Variants in DOK1 observed in about 807,000 individuals in gnomAD.
The protein encoded by DOK1 is docking protein 1, also known as Downstream of tyrosine kinase 1.
In DOK1, 12 loss-of-function variants were observed where a neutral mutation model predicts 24.0. The ratio of observed to expected loss-of-function variants is 0.50; its 90% confidence interval spans 0.32 to 0.81. The LOEUF (loss-of-function observed/expected upper bound fraction) is 0.81. DOK1 is among the 30% of genes least tolerant of loss of function. DOK1 has a pLI of 0.03. For missense variants in DOK1, 591 were observed against 620.7 expected (o/e 0.95, Z 0.51); for synonymous variants, 250 against 260.9 (o/e 0.96, Z 0.40).
At position 74,556,802 on chromosome 2, in the gene DOK1, T is replaced by C; in HGVS notation, c.1134T>C (p.Asp378=). 2 of 1,614,102 alleles carry C rather than the reference T, an allele frequency of 1.2e-6. No homozygotes were observed. Among genetic ancestry groups the C allele is most frequent in the Non-Finnish European group, 1.7e-6 (2 of 1,180,014 alleles). The change falls in exon 5 of 5, where the codon GAT becomes GAC. Residue 378 remains aspartate (D), a synonymous_variant. Transcript: ENST00000233668. The surrounding 1 kb of genome is among the most constrained non-coding windows in gnomAD (Gnocchi z 4.1). ...CAGTCCCTCCCCAGGGCCTTTATGA[T>C]CTGCCTCGGGAGCCCAAGGATGCAT... The part of the protein sequence containing the change: ...LAPVPPQGLY[D]LPREPKDAWW...
At chr2:74,552,563 C>T, upstream of DOK1, 1 of 1,610,562 alleles carries the variant, frequency 6.2e-7, no homozygotes, top group Non-Finnish European at 8.5e-7. Flanking sequence ...ACGGAGACCC[C>T]AAGCACGAAC....
Position 74,556,902 on chromosome 2 carries a change from C to A in DOK1, c.1234C>A (p.Pro412Thr). ...CCCTGCCACTGATGACTACGCTGTG[C>A]CACCCCCTCGGAGCACAAAGCCCCT... The part of the protein sequence containing the change: ...YNPATDDYAV[P>T]PPRSTKPLLA... Residue 412 changes from proline (P) to threonine (T), a missense_variant, in exon 5 of 5, where the codon CCA becomes ACA. Coordinates refer to ENST00000233668, the MANE Select transcript of DOK1 (RefSeq NM_001381.5). This position sits in a 1 kb window ranked among gnomAD's most constrained non-coding sequence, Gnocchi z 4.1. 1 of 1,614,184 alleles carries A rather than the reference C, an allele frequency of 6.2e-7. No individual in the cohort carries two copies. Among genetic ancestry groups the A allele is most frequent in the Non-Finnish European group, 8.5e-7 (1 of 1,180,032 alleles).
rs554965520 is a variant in DOK1, at chr2:74,556,706, G to C, written c.1038G>C (p.Gln346His). The C allele has an allele frequency of 6.2e-7, 1 of 1,614,244 alleles. No homozygotes were observed. Among genetic ancestry groups the C allele is most frequent in the Non-Finnish European group, 8.5e-7 (1 of 1,180,046 alleles). The change falls in exon 5 of 5, where the codon CAG becomes CAC. Residue 346 changes from glutamine to histidine, a missense_variant. Coordinates refer to ENST00000233668, the MANE Select transcript of DOK1 (RefSeq NM_001381.5). This position sits in a 1 kb window ranked among gnomAD's most constrained non-coding sequence, Gnocchi z 4.1. ...GGGACTTGTATGAGCATGCGCAGCAGCAGTTGCTGAAGGCCAAGCTGACAG... is the reference window on the plus strand; with the variant it reads ...GGGACTTGTATGAGCATGCGCAGCACCAGTTGCTGAAGGCCAAGCTGACAG... ...LYWDLYEHAQ[Q>H]QLLKAKLTDP...
rs755891238 is a variant in DOK1, at chr2:74,556,793, C to T, written c.1125C>T (p.Gly375=). 3 of 1,614,180 alleles carry T rather than the reference C, an allele frequency of 1.9e-6. No homozygotes were observed. In the East Asian group the frequency reaches 6.7e-5, roughly 36 times the overall value. The change falls in exon 5 of 5, where the codon GGC becomes GGT. Residue 375 remains glycine, a synonymous_variant. Transcript: ENST00000233668. This position sits in a 1 kb window ranked among gnomAD's most constrained non-coding sequence, Gnocchi z 4.1. ...GCCTGGCCCCAGTCCCTCCCCAGGG[C>T]CTTTATGATCTGCCTCGGGAGCCCA... ...PEGLAPVPPQ[G]LYDLPREPKD...
chr2:74,555,821 T>G lies in DOK1; in HGVS notation c.455-73T>G. The G allele has an allele frequency of 6.3e-7, 1 of 1,580,702 alleles. No homozygotes were observed. The highest frequency in any genetic ancestry group is 8.6e-7 in the Non-Finnish European group (1 of 1,162,964). On this transcript the variant is annotated intron_variant, in intron 3 of 4. Transcript: ENST00000233668. The surrounding 1 kb of genome is among the most constrained non-coding windows in gnomAD (Gnocchi z 6.1). ...CCGAGTGAGTGCTTGGACACTATGCTCATGAGTCCTCTGGGTCCCCACTGC... is the reference window on the plus strand; with the variant it reads ...CCGAGTGAGTGCTTGGACACTATGCGCATGAGTCCTCTGGGTCCCCACTGC...
upstream of DOK1, chr2:74,550,111 G>A (rs371152136): frequency 4.6e-6 from 7 of 1,519,010 alleles, no homozygotes; most frequent in South Asian, 1.3e-5. Flanking sequence ...ACCTTCTAAT[G>A]TCTCCGCTAA....
In DOK1 at chr2:74,557,133, G is replaced by C; in HGVS notation, c.*19G>C. On this transcript the variant is annotated 3_prime_UTR_variant, in exon 5 of 5. Coordinates refer to ENST00000233668, the MANE Select transcript of DOK1 (RefSeq NM_001381.5). ...TACCTGAGAAGGACGGCAAGGCTGAGGTGGCTAAGGGGGACCATGGGGAGG... is the reference window on the plus strand; with the variant it reads ...TACCTGAGAAGGACGGCAAGGCTGACGTGGCTAAGGGGGACCATGGGGAGG... 1 of 1,584,948 alleles carries C rather than the reference G, an allele frequency of 6.3e-7. No homozygotes were observed. Among genetic ancestry groups the C allele is most frequent in the South Asian group, 1.1e-5 (1 of 88,958 alleles).
rs200468716 is a variant in DOK1 at position 74,555,135 on chromosome 2, A to ACT, written c.61-7_61-6dup. 2.3e-4 allele frequency: 362 copies of ACT among 1,590,000 alleles called. No individual in the cohort carries two copies. Among genetic ancestry groups the ACT allele is most frequent in the East Asian group, 3.4e-4 (15 of 44,420 alleles). On this transcript the variant is annotated intron_variant, in intron 1 of 4. Transcript: ENST00000233668. The surrounding 1 kb of genome is among the most constrained non-coding windows in gnomAD (Gnocchi z 6.1). Reference sequence around the variant, plus strand: ...CTGCGCACGCCACTCCCTCTCGAGCACTCTCTCTCTCTCCCTAGAGGTGGA... The same window carrying ACT: ...CTGCGCACGCCACTCCCTCTCGAGCACTCTCTCTCTCTCTCCCTAGAGGTGGA...
rs766878361 is a variant in DOK1 at position 74,554,726 on chromosome 2, A to C, written c.-29A>C. ...CCGCCCCGCCTCCCGCCGCAGGGCCAGGAAGCGCGGAAGGAACCGCCGGGG... is the reference window on the plus strand; with the variant it reads ...CCGCCCCGCCTCCCGCCGCAGGGCCCGGAAGCGCGGAAGGAACCGCCGGGG... On this transcript the variant is annotated 5_prime_UTR_variant, in exon 1 of 5. Coordinates refer to ENST00000233668, the MANE Select transcript of DOK1 (RefSeq NM_001381.5). The surrounding 1 kb of genome is among the most constrained non-coding windows in gnomAD (Gnocchi z 4.9). The C allele has an allele frequency of 1.8e-5, 29 of 1,597,324 alleles. No homozygotes were observed. Among genetic ancestry groups the C allele is most frequent in the Non-Finnish European group, 2.4e-5 (28 of 1,167,648 alleles).
In DOK1 at chr2:74,555,646, C is replaced by T. The variant is rs1224497890; in HGVS notation, c.432C>T (p.Ser144=). ...KLSALEMLEN[S]LYSPTWEGSQ... The stretch of plus-strand genomic sequence containing the variant: ...CTGCCCTGGAGATGCTGGAGAACTC[C>T]TTGTACAGCCCTACCTGGGAAGGTA... Residue 144 remains serine (S), a synonymous_variant, in exon 3 of 5, where the codon TCC becomes TCT. Coordinates refer to ENST00000233668, the MANE Select transcript of DOK1 (RefSeq NM_001381.5). This position sits in a 1 kb window ranked among gnomAD's most constrained non-coding sequence, Gnocchi z 6.1. 1.2e-6 allele frequency: 2 copies of T among 1,614,110 alleles called. No homozygotes were observed. The highest frequency in any genetic ancestry group is 2.2e-5 in the East Asian group (1 of 44,890).
chr2:74,556,649 A>G lies in DOK1; in HGVS notation c.981A>G (p.Gly327=). ...TGGACAGCACGTCTGCTCAGGCAGGAGAGGGAGTACAACGGAAGAAACCTC... is the reference window on the plus strand; with the variant it reads ...TGGACAGCACGTCTGCTCAGGCAGGGGAGGGAGTACAACGGAAGAAACCTC... ...DPLDSTSAQA[G]EGVQRKKPLY... Residue 327 remains glycine, a synonymous_variant, in exon 5 of 5, where the codon GGA becomes GGG. Transcript: ENST00000233668. The surrounding 1 kb of genome is among the most constrained non-coding windows in gnomAD (Gnocchi z 4.1). The G allele has an allele frequency of 6.2e-7, 1 of 1,614,232 alleles. No individual in the cohort carries two copies. The highest frequency in any genetic ancestry group is 1.1e-5 in the South Asian group (1 of 91,086).
chr2:74,549,242 T>C lies in DOK1; in HGVS notation c.-358+70T>C, dbSNP rs1003808036. On this transcript the variant is annotated intron_variant, in intron 1 of 4. Transcript: ENST00000409429. The surrounding 1 kb of genome is among the most constrained non-coding windows in gnomAD (Gnocchi z 5.3). Reference sequence around the variant, plus strand: ...CTCTCCAGCTTTGCAACGGCCTCCATATTTTCCCGCGCGTCCCGACCCCCG... The same window carrying C: ...CTCTCCAGCTTTGCAACGGCCTCCACATTTTCCCGCGCGTCCCGACCCCCG... 3 of 1,108,426 alleles carry C rather than the reference T, an allele frequency of 2.7e-6. No individual in the cohort carries two copies. The highest frequency in any genetic ancestry group is 3.2e-5 in the African/African-American group (2 of 62,912). The allele number at this position is 1,108,426 out of a possible 1,614,324, so 68.7% of individuals were successfully genotyped here. A position where few individuals can be genotyped will look rare whatever the true frequency, so the allele number is the denominator to read the frequency against.
In DOK1 at chr2:74,556,688, G is replaced by C. The variant is rs143653664; in HGVS notation, c.1020G>C (p.Leu340Phe). 1 of 1,614,136 alleles carries C rather than the reference G, an allele frequency of 6.2e-7. No individual in the cohort carries two copies. The highest frequency in any genetic ancestry group is 8.5e-7 in the Non-Finnish European group (1 of 1,180,058). Residue 340 changes from leucine to phenylalanine, a missense_variant, in exon 5 of 5, where the codon TTG (leucine) becomes TTC (phenylalanine). Transcript: ENST00000233668. The surrounding 1 kb of genome is among the most constrained non-coding windows in gnomAD (Gnocchi z 4.1). ...VQRKKPLYWD[L>F]YEHAQQQLLK... is the part of the protein sequence containing the mutation. ...GGAAGAAACCTCTCTATTGGGACTT[G>C]TATGAGCATGCGCAGCAGCAGTTGC...
In DOK1 at chr2:74,557,297, C is replaced by T. The variant is rs1677553151; in HGVS notation, c.*183C>T. The T allele has an allele frequency of 1.6e-6, 1 of 623,270 alleles. No homozygotes were observed. Among genetic ancestry groups the T allele is most frequent in the Admixed American group, 3.0e-5 (1 of 33,114 alleles). The allele number at this position is 623,270 out of a possible 1,614,324, so 38.6% of individuals were successfully genotyped here. A position where few individuals can be genotyped will look rare whatever the true frequency, so the allele number is the denominator to read the frequency against. ...TCCCAGGAAGTCCTAAGAAGTGGGG[C>T]AGATGGCAGGGCTGAGGATGGGCTC... On this transcript the variant is annotated 3_prime_UTR_variant, in exon 5 of 5. Transcript: ENST00000233668.
At chr2:74,554,684 G>T, upstream of DOK1, 1 of 1,532,472 alleles carries the variant, frequency 6.5e-7, no homozygotes, top group South Asian at 1.2e-5. The surrounding 1 kb of genome is among the most constrained non-coding windows in gnomAD (Gnocchi z 4.9). Flanking sequence ...CTCCTCCAGG[G>T]AACCCGGCCC....
In DOK1 at chr2:74,555,753, C is replaced by T; in HGVS notation, c.454+85C>T. ...TGGGAAGTGGGTGGATACCCAGGGG[C>T]CCATGGGGAAGTAAGAAGTAGGAAG... On this transcript the variant is annotated intron_variant, in intron 3 of 4. Transcript: ENST00000233668. The surrounding 1 kb of genome is among the most constrained non-coding windows in gnomAD (Gnocchi z 6.1). The T allele has an allele frequency of 6.3e-7, 1 of 1,599,906 alleles. No individual in the cohort carries two copies. The highest frequency in any genetic ancestry group is 8.5e-7 in the Non-Finnish European group (1 of 1,173,608).
rs10208552 is a variant in DOK1, at chr2:74,554,828, T to C, written c.60+14T>C. 0.019 allele frequency: 29,932 copies of C among 1,613,752 alleles called. 2,277 individuals are homozygous for C. The African/African-American group carries it at 0.23, about 12-fold the overall frequency. On this transcript the variant is annotated intron_variant, in intron 1 of 4. Transcript: ENST00000233668. This position sits in a 1 kb window ranked among gnomAD's most constrained non-coding sequence, Gnocchi z 4.9. ...TTTGGGACCAAGGTAGTCTGGCGCA[T>C]GGATGCCGAACCTTATCCGGGCTAG... is the stretch of plus-strand genomic sequence containing the variant.
chr2:74,553,316 AG>A (rs765473833), upstream of DOK1, among the ~76,000 whole-genome samples: 6 of 152,162 alleles, frequency 3.9e-5, no homozygotes, highest in Non-Finnish European at 8.8e-5. Context: ...CTGGCACCAA[AG>A]CTCGCCTGGA....
chr2:74,550,407 G>A (rs547166782), upstream of DOK1: 2,134 of 1,558,934 alleles, frequency 1.4e-3, 2 homozygotes, highest in Non-Finnish European at 1.7e-3. Context: ...GGGGAGTAAT[G>A]GGGATGTAGG....
Sources: allele counts gnomAD v4.1 joint callset (sites outside exome capture counted in the v4.1 genomes callset), GRCh38; gene constraint gnomAD v4.1.1; non-coding constraint Gnocchi (gnomAD v3.1); transcripts MANE v1.5; gene names NCBI Gene and HGNC (gene_info 2026-07-23, HGNC 2026-07-21).